DNAJC11: variants seen among roughly 807,000 people sequenced by gnomAD.
The protein encoded by DNAJC11 is dnaJ homolog subfamily C member 11.
In DNAJC11, 15 loss-of-function variants were observed where a neutral mutation model predicts 78.6. The ratio of observed to expected loss-of-function variants is 0.19; its 90% confidence interval spans 0.13 to 0.29. DNAJC11 has a LOEUF of 0.29. DNAJC11 is among the 10% of genes least tolerant of loss of function. The pLI, the probability that DNAJC11 is intolerant of heterozygous loss-of-function variation, is 1.00. For missense variants in DNAJC11, 547 were observed against 709.6 expected (o/e 0.77, Z 2.60); for synonymous variants, 292 against 272.1 (o/e 1.07, Z -0.72).
chr1:6,679,246 C>G (rs1642518432), intron 2 of DNAJC11, among the ~76,000 whole-genome samples: 1 of 152,202 alleles, frequency 6.6e-6, no homozygotes, highest in South Asian at 2.1e-4. Flanking sequence ...GTTATTTACT[C>G]TATAGAGTTC....
chr1:6,666,783 G>T (rs368239334), intron 4 of DNAJC11, among the ~76,000 whole-genome samples: 1 of 152,158 alleles, frequency 6.6e-6, no homozygotes, highest in Admixed American at 6.5e-5. Context: ...TTCCAACAAC[G>T]TTGATGATTT....
chr1:6,643,424 C>T (rs764323803), intron 10 of DNAJC11, among the ~76,000 whole-genome samples: 20 of 152,010 alleles, frequency 1.3e-4, no homozygotes, highest in Non-Finnish European at 2.1e-4. Flanking sequence ...TACAGGCGCC[C>T]GCCACCACGC....
intron 10 of DNAJC11, among the ~76,000 whole-genome samples, chr1:6,642,193 G>A (rs1641888600): frequency 6.6e-6 from 1 of 152,152 alleles, no homozygotes; most frequent in African/African-American, 2.4e-5. Flanking sequence ...GGGCATTGTA[G>A]GCTCCAAAGT....
chr1:6,690,418 G>A (rs1005409946), intron 1 of DNAJC11, among the ~76,000 whole-genome samples: 5 of 152,102 alleles, frequency 3.3e-5, no homozygotes, highest in Admixed American at 2.0e-4. Context: ...CTGGATGAAC[G>A]GGCTCAGACA....
Position 6,653,820 on chromosome 1 carries a change from C to T in DNAJC11, c.507+91G>A. ...TTTCATAAATAAAGATGAGAAAAAC[C>T]CTGGGCAGACTCTCATTCCAGCTGC... On this transcript the variant is annotated intron_variant, in intron 5 of 15. Transcript: ENST00000377577. This position sits in a 1 kb window ranked among gnomAD's most constrained non-coding sequence, Gnocchi z 4.5. The T allele has an allele frequency of 1.3e-6, 2 of 1,500,746 alleles. No homozygotes were observed. The highest frequency in any genetic ancestry group is 1.8e-4 in the Middle Eastern group (1 of 5,586). The allele number at this position is 1,500,746 out of a possible 1,614,324, so 93.0% of individuals were successfully genotyped here.
At chr1:6,670,897 A>C (rs1642369810) in intron 3 of DNAJC11, 1 of 152,148 alleles carries the variant, frequency 6.6e-6, no homozygotes, top group African/African-American at 2.4e-5. Context: ...TCTCAATCTC[A>C]TGTCAGCCCC....
At chr1:6,651,719 G>C in intron 6 of DNAJC11, 117 bp from the exon 7 acceptor site, 1 of 754,498 alleles carries the variant, frequency 1.3e-6, no homozygotes, top group Non-Finnish European at 2.2e-6. Flanking sequence ...GTCTTGCCAG[G>C]GCTCTAAAAG....
Position 6,634,190 on chromosome 1 carries a change from T to C in DNAJC11, c.*1485A>G. The C allele has an allele frequency of 8.9e-7, 1 of 1,129,130 alleles. No homozygotes were observed. Among genetic ancestry groups the C allele is most frequent in the Non-Finnish European group, 1.3e-6 (1 of 765,124 alleles). The allele number at this position is 1,129,130 out of a possible 1,614,324, so 69.9% of individuals were successfully genotyped here. A position where few individuals can be genotyped will look rare whatever the true frequency, so the allele number is the denominator to read the frequency against. On this transcript the variant is annotated 3_prime_UTR_variant, in exon 16 of 16. Transcript: ENST00000377577. Reference sequence around the variant, plus strand: ...GCCTCTGCTTTCAGGAAAGGTTTATTGTGGTGAGTGCCTTCTGTACAGTCG... The same window carrying C: ...GCCTCTGCTTTCAGGAAAGGTTTATCGTGGTGAGTGCCTTCTGTACAGTCG...
At position 6,646,145 on chromosome 1, in the gene DNAJC11, G is replaced by C. The variant is rs766769172; in HGVS notation, c.705-167C>G. Among the ~76,000 whole-genome samples, 43 of 151,766 alleles carry C rather than the reference G, an allele frequency of 2.8e-4. 1 individual carries two copies. The highest frequency in any genetic ancestry group is 1.0e-3 in the African/African-American group (43 of 41,396). On this transcript the variant is annotated intron_variant, in intron 7 of 15. Coordinates refer to ENST00000377577, the MANE Select transcript of DNAJC11 (RefSeq NM_018198.4). The stretch of plus-strand genomic sequence containing the variant: ...GAGGTCAGGCCTCTATCCACACAGA[G>C]GGGGAGGGTCCTAGCCAGAATCTTC...
chr1:6,680,895 G>A lies in DNAJC11; in HGVS notation c.202+13C>T. 6.2e-7 allele frequency: 1 copy of A among 1,611,682 alleles called. No homozygotes were observed. The highest frequency in any genetic ancestry group is 1.1e-5 in the South Asian group (1 of 90,742). On this transcript the variant is annotated intron_variant, in intron 2 of 15. Transcript: ENST00000377577. The surrounding 1 kb of genome is among the most constrained non-coding windows in gnomAD (Gnocchi z 4.0). ...TACCAGGATGTTTCTACAAAGTCCG[G>A]CCCTCCACTGACCTTCATAAGCCTG... is the stretch of plus-strand genomic sequence containing the variant.
chr1:6,675,470 C>T (rs1193351827), intron 3 of DNAJC11, among the ~76,000 whole-genome samples: 1 of 152,026 alleles, frequency 6.6e-6, no homozygotes, highest in Non-Finnish European at 1.5e-5. Context: ...GGCTGGAGTG[C>T]AGTGGTGTGA....
At chr1:6,656,979 A>G (rs1435032475) in intron 4 of DNAJC11, among the ~76,000 whole-genome samples, 2 of 152,152 alleles carry the variant, frequency 1.3e-5, no homozygotes, top group Non-Finnish European at 2.9e-5. Context: ...CAATGTTATA[A>G]AAGAAAAAGA....
In DNAJC11 at chr1:6,645,161, G is replaced by A; in HGVS notation, c.895-35C>T. On this transcript the variant is annotated intron_variant, in intron 8 of 15. Coordinates refer to ENST00000377577, the MANE Select transcript of DNAJC11 (RefSeq NM_018198.4). This position sits in a 1 kb window ranked among gnomAD's most constrained non-coding sequence, Gnocchi z 4.1. ...CAGAGGGTGCAAGGATGCGTGGCTAGGGCGTGTGACTCTGTGGGGAGATGG... is the reference window on the plus strand; with the variant it reads ...CAGAGGGTGCAAGGATGCGTGGCTAAGGCGTGTGACTCTGTGGGGAGATGG... 6.4e-7 allele frequency: 1 copy of A among 1,553,660 alleles called. No individual in the cohort carries two copies. The highest frequency in any genetic ancestry group is 8.9e-7 in the Non-Finnish European group (1 of 1,126,992).
intron 1 of DNAJC11, among the ~76,000 whole-genome samples, chr1:6,695,501 G>C (rs11582613): frequency 6.6e-6 from 1 of 151,744 alleles, no homozygotes; most frequent in Admixed American, 6.6e-5. Context: ...TAACATTAAA[G>C]AAACTGATGG....
At chr1:6,646,228 CCTGA>C (rs1184669850) in intron 7 of DNAJC11, among the ~76,000 whole-genome samples, 1 of 152,174 alleles carries the variant, frequency 6.6e-6, no homozygotes, top group African/African-American at 2.4e-5. Context: ...CAAATAGGCA[CCTGA>C]CTGTCTGCAT....
chr1:6,641,692 TTATC>T (rs1170356787), intron 10 of DNAJC11, among the ~76,000 whole-genome samples: 1 of 152,070 alleles, frequency 6.6e-6, no homozygotes, highest in African/African-American at 2.4e-5. Context: ...CCTTCAAATA[TTATC>T]TGAGGAGAGA....
Position 6,645,767 on chromosome 1 carries a change from AGAT to A in DNAJC11, c.894+19_894+21del, listed in dbSNP as rs751196034. 2 of 1,611,580 alleles carry A rather than the reference AGAT, an allele frequency of 1.2e-6. No individual in the cohort carries two copies. Among genetic ancestry groups the A allele is most frequent in the African/African-American group, 2.7e-5 (2 of 74,968 alleles). On this transcript the variant is annotated intron_variant, in intron 8 of 15. Transcript: ENST00000377577. The surrounding 1 kb of genome is among the most constrained non-coding windows in gnomAD (Gnocchi z 4.1). ...GTCCTCCCAGAGCTCTGTCTGCAGGAGATGATGGCTGCTCGGCTCACCTGCAGG... is the reference window on the plus strand; with the variant it reads ...GTCCTCCCAGAGCTCTGTCTGCAGGAGATGGCTGCTCGGCTCACCTGCAGG...
chr1:6,681,708 G>C (rs527845193), intron 1 of DNAJC11, among the ~76,000 whole-genome samples: 3 of 152,310 alleles, frequency 2.0e-5, no homozygotes, highest in Admixed American at 1.3e-4. Context: ...ACCACAGTGG[G>C]GGGGGCGGGT....
At chr1:6,696,585 C>T (rs1290147051) in intron 1 of DNAJC11, among the ~76,000 whole-genome samples, 2 of 152,110 alleles carry the variant, frequency 1.3e-5, no homozygotes, top group African/African-American at 2.4e-5. Flanking sequence ...CCCAACAACA[C>T]ACAATTGTGA....
Sources: gnomAD v4.1 joint callset for allele counts (sites outside exome capture counted in the v4.1 genomes callset) on GRCh38, gnomAD v4.1.1 for gene constraint, Gnocchi (gnomAD v3.1) non-coding constraint, MANE v1.5 for transcripts, NCBI Gene and HGNC (gene_info 2026-07-23, HGNC 2026-07-21) for gene names.